Variants in RAPGEF2 observed in about 807,000 individuals in gnomAD.
The protein encoded by RAPGEF2 is Rap guanine nucleotide exchange factor 2, also known as PDZ domain containing guanine nucleotide exchange factor (GEF) 1.
A neutral mutation model predicts 186.7 loss-of-function variants in RAPGEF2; 54 were observed. The ratio of observed to expected loss-of-function variants is 0.29; its 90% CI spans 0.23 to 0.36. The LOEUF is 0.36. RAPGEF2 is among the 10% of genes least tolerant of loss of function. RAPGEF2 has a pLI of 1.00. For missense variants in RAPGEF2, 1,532 were observed against 2,045.0 expected (o/e 0.75, Z 4.84); for synonymous variants, 712 against 705.9 (o/e 1.01, Z -0.14).
chr4:159,175,034 A>C (rs1485211524), intron 1 of RAPGEF2, among the ~76,000 whole-genome samples: 1 of 152,178 alleles, frequency 6.6e-6, no homozygotes, highest in Non-Finnish European at 1.5e-5. Context: ...GCACTCAGCC[A>C]TACATATGTC....
At chr4:159,277,136 A>G (rs1466767355) in intron 7 of RAPGEF2, among the ~76,000 whole-genome samples, 1 of 137,936 alleles carries the variant, frequency 7.2e-6, no homozygotes, top group Non-Finnish European at 1.5e-5. Context: ...AAGTGTTCTC[A>G]TTGTTCAATT....
intron 1 of RAPGEF2, among the ~76,000 whole-genome samples, chr4:159,112,510 T>C (rs1404036482): frequency 1.3e-5 from 2 of 152,086 alleles, no homozygotes; most frequent in African/African-American, 2.4e-5. Flanking sequence ...ATGGCCAAAT[T>C]TGGGACAGTT....
At chr4:159,156,996 A>ACAT (rs1744202683) in intron 1 of RAPGEF2, among the ~76,000 whole-genome samples, 1 of 152,188 alleles carries the variant, frequency 6.6e-6, no homozygotes, top group South Asian at 2.1e-4. Flanking sequence ...GCTCAGGAAT[A>ACAT]TGTATTATTT....
chr4:159,167,843 T>TTA (rs1330832760), intron 1 of RAPGEF2, among the ~76,000 whole-genome samples: 14 of 152,226 alleles, frequency 9.2e-5, no homozygotes, highest in Non-Finnish European at 1.9e-4. Flanking sequence ...ATACAATAAC[T>TTA]GGATAGTTGA....
At chr4:159,342,810 C>T (rs1729745674) in intron 20 of RAPGEF2, among the ~76,000 whole-genome samples, 169 bp from the exon 21 acceptor site, 1 of 151,960 alleles carries the variant, frequency 6.6e-6, no homozygotes, top group South Asian at 2.1e-4. Flanking sequence ...CCTGACCCTA[C>T]TTCCCTGTGC....
chr4:159,316,394 C>T (rs927099028), intron 9 of RAPGEF2, among the ~76,000 whole-genome samples: 1 of 152,116 alleles, frequency 6.6e-6, no homozygotes, highest in Non-Finnish European at 1.5e-5. Flanking sequence ...TCCTCGGTCT[C>T]TTGCCTCGGC....
rs191537203 is a variant in RAPGEF2 at position 159,307,557 on chromosome 4, T to A, written c.675+3084T>A. ...TTCATCCTCTAAACTTTGAGATTAT[T>A]ATTATACATCTTGAAAATCTATAGT... On this transcript the variant is annotated intron_variant, in intron 8 of 29. Coordinates refer to ENST00000691494, the MANE Select transcript of RAPGEF2 (RefSeq NM_001394067.2). Among the ~76,000 whole-genome samples, 458 of 152,330 alleles carry A rather than the reference T, an allele frequency of 3.0e-3. 1 individual carries two copies. The highest frequency in any genetic ancestry group is 4.0e-3 in the Non-Finnish European group (272 of 68,026).
chr4:159,268,107 G>A, intron 7 of RAPGEF2: 1 of 1,600,856 alleles, frequency 6.2e-7, no homozygotes, highest in Non-Finnish European at 8.5e-7. Flanking sequence ...GCCATCGTGA[G>A]AGATTGGTAC....
At chr4:159,108,915 C>T (rs550274596) in intron 1 of RAPGEF2, among the ~76,000 whole-genome samples, 34 of 152,066 alleles carry the variant, frequency 2.2e-4, no homozygotes, top group Non-Finnish European at 4.3e-4. Flanking sequence ...ATGAGGGTCT[C>T]GCTTTGTTGC....
intron 16 of RAPGEF2, 133 bp downstream of exon 16, chr4:159,332,167 AT>A (rs1021376755): frequency 1.3e-5 from 9 of 675,424 alleles, no homozygotes; most frequent in African/African-American, 1.3e-4. Flanking sequence ...ACCATAAAAA[AT>A]ATTTTTAATC....
chr4:159,234,050 G>A (rs1314676404), intron 4 of RAPGEF2, among the ~76,000 whole-genome samples: 2 of 151,882 alleles, frequency 1.3e-5, no homozygotes, highest in African/African-American at 4.8e-5. Flanking sequence ...AAAAAGACTG[G>A]TCTAATTTTG....
chr4:159,180,184 A>G (rs1367079997), intron 1 of RAPGEF2, among the ~76,000 whole-genome samples: 2 of 152,202 alleles, frequency 1.3e-5, no homozygotes, highest in African/African-American at 4.8e-5. Flanking sequence ...TGTGGTAACT[A>G]ATATTTGGCT....
chr4:159,310,277 A>T (rs1029359116), intron 8 of RAPGEF2, among the ~76,000 whole-genome samples: 1 of 152,112 alleles, frequency 6.6e-6, no homozygotes, highest in Non-Finnish European at 1.5e-5. Context: ...ATTTTTATAT[A>T]CTCCTCGTAG....
At chr4:159,183,987 T>G (rs1055881401) in intron 1 of RAPGEF2, among the ~76,000 whole-genome samples, 1 of 152,158 alleles carries the variant, frequency 6.6e-6, no homozygotes, top group Non-Finnish European at 1.5e-5. Flanking sequence ...TGAGAACGTG[T>G]GGTGTTTGGT....
At chr4:159,314,825 T>G (rs934306534) in intron 9 of RAPGEF2, 57 bp downstream of exon 9, 1 of 1,484,368 alleles carries the variant, frequency 6.7e-7, no homozygotes, top group African/African-American at 1.4e-5. Flanking sequence ...AGTGGCAAAA[T>G]TGTCTGATGA....
chr4:159,315,271 TTC>T (rs1251373363), intron 9 of RAPGEF2, among the ~76,000 whole-genome samples: 1 of 152,120 alleles, frequency 6.6e-6, no homozygotes, highest in African/African-American at 2.4e-5. Flanking sequence ...GAGACTTTTT[TTC>T]TGTCTTTCTT....
At chr4:159,261,052 A>G (rs1026866760) in intron 7 of RAPGEF2, among the ~76,000 whole-genome samples, 1 of 143,520 alleles carries the variant, frequency 7.0e-6, no homozygotes, top group Non-Finnish European at 1.5e-5. Context: ...ACTGTGCCCC[A>G]CCAGGAAAAG....
At chr4:159,351,137 A>C (rs1731113084) in intron 26 of RAPGEF2, 1 of 1,535,576 alleles carries the variant, frequency 6.5e-7, no homozygotes, top group Non-Finnish European at 8.7e-7. Context: ...CTTGGAAGTG[A>C]GAACAGTAAC....
At chr4:159,150,578 C>A (rs891747295) in intron 1 of RAPGEF2, among the ~76,000 whole-genome samples, 1 of 152,072 alleles carries the variant, frequency 6.6e-6, no homozygotes, top group African/African-American at 2.4e-5. Context: ...CCTAATGTAC[C>A]ATGAAGAGAA....
Sources: gnomAD v4.1 joint callset for allele counts (sites outside exome capture counted in the v4.1 genomes callset) on GRCh38, gnomAD v4.1.1 for gene constraint, MANE v1.5 for transcripts, NCBI Gene and HGNC (gene_info 2026-07-23, HGNC 2026-07-21) for gene names.